KLHL1: variants seen among roughly 807,000 people sequenced by gnomAD.
The protein encoded by KLHL1 is kelch-like protein 1.
Under a neutral mutation model 77.7 loss-of-function variants are expected in KLHL1, and 47 were observed. The ratio of observed to expected loss-of-function variants is 0.60; its 90% CI spans 0.48 to 0.77. KLHL1 has a LOEUF of 0.77. Among genes scored for constraint, KLHL1 ranks in the 30% least tolerant of loss-of-function variants. The pLI, the probability that KLHL1 is intolerant of heterozygous loss-of-function variation, is 0.00. For synonymous variants in KLHL1, 360 were observed against 325.2 expected (o/e 1.11, Z -1.15); for missense variants, 925 against 910.8 (o/e 1.02, Z -0.20).
chr13:69,770,519 T>C (rs541282353), intron 7 of KLHL1, among the ~76,000 whole-genome samples: 1 of 152,350 alleles, frequency 6.6e-6, no homozygotes, highest in East Asian at 1.9e-4. Flanking sequence ...AATTTTTTTG[T>C]TGAAAAATGA....
chr13:70,023,716 C>A (rs1055502668), intron 1 of KLHL1, among the ~76,000 whole-genome samples: 1 of 151,894 alleles, frequency 6.6e-6, no homozygotes, highest in Admixed American at 6.6e-5. Flanking sequence ...GAAAATCTCA[C>A]AATATGGCTT....
intron 2 of KLHL1, among the ~76,000 whole-genome samples, chr13:69,972,722 C>CAGT (rs1884422853): frequency 6.6e-6 from 1 of 151,864 alleles, no homozygotes; most frequent in Admixed American, 6.6e-5. Context: ...GCAAAATGCT[C>CAGT]TTACTCTTAA....
intron 2 of KLHL1, among the ~76,000 whole-genome samples, chr13:69,974,920 G>A (rs1884498835): frequency 6.6e-6 from 1 of 151,916 alleles, no homozygotes; most frequent in South Asian, 2.1e-4. Flanking sequence ...GCTTTCAATA[G>A]TTAGCTGACA....
chr13:69,940,792 CAAAAAA>C (rs374717086), intron 3 of KLHL1, among the ~76,000 whole-genome samples: 6 of 67,696 alleles, frequency 8.9e-5, no homozygotes, highest in East Asian at 4.6e-4. Flanking sequence ...ATCTTAAAGG[CAAAAAA>C]AAAAAAAAAA....
At chr13:70,066,863 A>AT (rs1260564224) in intron 1 of KLHL1, among the ~76,000 whole-genome samples, 1 of 152,232 alleles carries the variant, frequency 6.6e-6, no homozygotes, top group Non-Finnish European at 1.5e-5. Context: ...AAAAATAGTC[A>AT]TTTTATATAA....
chr13:69,831,541 T>C (rs570637054), intron 6 of KLHL1, among the ~76,000 whole-genome samples: 1 of 150,106 alleles, frequency 6.7e-6, no homozygotes, highest in South Asian at 2.1e-4. Flanking sequence ...TTGGTACCAA[T>C]TCTATTGAAA....
intron 7 of KLHL1, among the ~76,000 whole-genome samples, chr13:69,791,497 C>A (rs1593177): frequency 6.6e-6 from 1 of 151,778 alleles, no homozygotes; most frequent in African/African-American, 2.4e-5. Context: ...AAATAAAAAC[C>A]AAAGACAGTG....
intron 1 of KLHL1, among the ~76,000 whole-genome samples, chr13:70,056,010 A>G (rs921189939): frequency 6.6e-6 from 1 of 152,086 alleles, no homozygotes. Flanking sequence ...CTGAACTCCA[A>G]TCAAAAGACA....
intron 1 of KLHL1, among the ~76,000 whole-genome samples, chr13:69,980,337 T>C (rs1884670165): frequency 6.6e-6 from 1 of 152,142 alleles, no homozygotes; most frequent in Admixed American, 6.5e-5. Context: ...TTAGTGCAAA[T>C]CTGAAAGTGT....
intron 9 of KLHL1, among the ~76,000 whole-genome samples, chr13:69,708,259 AT>A (rs1469486257): frequency 1.3e-5 from 2 of 151,970 alleles, no homozygotes; most frequent in Non-Finnish European, 2.9e-5. Context: ...AAAAGGAAAG[AT>A]TTGTGCAAAA....
At chr13:69,842,821 G>A (rs1014080088) in intron 5 of KLHL1, among the ~76,000 whole-genome samples, 12 of 151,792 alleles carry the variant, frequency 7.9e-5, no homozygotes, top group Middle Eastern at 3.2e-3. Flanking sequence ...TAAAGAAAAT[G>A]TGGTATATAT....
chr13:69,719,832 C>T (rs1489369690), intron 8 of KLHL1, among the ~76,000 whole-genome samples: 1 of 150,336 alleles, frequency 6.7e-6, no homozygotes, highest in Non-Finnish European at 1.5e-5. Flanking sequence ...TTTCTAGAAA[C>T]TTGGATAGAT....
intron 4 of KLHL1, among the ~76,000 whole-genome samples, chr13:69,890,213 T>C (rs1204886504): frequency 7.3e-6 from 1 of 136,982 alleles, no homozygotes; most frequent in Non-Finnish European, 1.6e-5. Flanking sequence ...GACTACATTT[T>C]TCTCCTTTCT....
Position 69,987,532 on chromosome 13 carries a change from AAAAAGGAAGTG to A in KLHL1, c.498-11741_498-11731del, listed in dbSNP as rs1884906273. ...ACTTTAATCTAGGTCAAAGGAAAGA[AAAAAGGAAGTG>A]AAAAGGAAGGGAGGGTGGAGTAAAG... is the stretch of plus-strand genomic sequence containing the variant. On this transcript the variant is annotated intron_variant, in intron 1 of 10. Coordinates refer to ENST00000377844, the MANE Select transcript of KLHL1 (RefSeq NM_020866.3). Among the ~76,000 whole-genome samples, 4 of 152,182 alleles carry A rather than the reference AAAAAGGAAGTG, an allele frequency of 2.6e-5. No individual in the cohort carries two copies. The South Asian group carries it at 8.3e-4, about 31-fold the overall frequency.
chr13:69,725,525 C>T (rs1676973068), intron 8 of KLHL1, among the ~76,000 whole-genome samples: 1 of 151,978 alleles, frequency 6.6e-6, no homozygotes, highest in African/African-American at 2.4e-5. Context: ...TGGCCATATG[C>T]CTCACTAAAA....
intron 4 of KLHL1, among the ~76,000 whole-genome samples, chr13:69,903,507 CGTTCTA>C (rs66591190): frequency 1 from 152,077 of 152,092 alleles, 76,031 homozygotes; most frequent in Middle Eastern, 1. Context: ...ACCCTTTCTT[CGTTCTA>C]GTTCTCTAGA....
chr13:69,722,964 G>C (rs1282229565), intron 8 of KLHL1, among the ~76,000 whole-genome samples: 1 of 151,966 alleles, frequency 6.6e-6, no homozygotes, highest in Non-Finnish European at 1.5e-5. Context: ...TGCTCCATTT[G>C]TTGGAACACA....
chr13:69,928,646 T>C (rs1422586516), intron 4 of KLHL1, among the ~76,000 whole-genome samples: 1 of 152,188 alleles, frequency 6.6e-6, no homozygotes, highest in Non-Finnish European at 1.5e-5. Context: ...CTTGAGTATA[T>C]TATGCTAAGG....
intron 1 of KLHL1, among the ~76,000 whole-genome samples, chr13:70,053,562 A>G (rs1015563175): frequency 6.6e-6 from 1 of 152,274 alleles, no homozygotes; most frequent in Middle Eastern, 3.4e-3. Flanking sequence ...TTGATCAAAG[A>G]AGAATTTTTA....
Sources: allele counts gnomAD v4.1 joint callset (sites outside exome capture counted in the v4.1 genomes callset), GRCh38; gene constraint gnomAD v4.1.1; transcripts MANE v1.5; gene names NCBI Gene and HGNC (gene_info 2026-07-23, HGNC 2026-07-21).